Variants in SEZ6L observed in about 807,000 individuals in gnomAD.
SEZ6L encodes seizure related 6 homolog like.
A neutral mutation model predicts 106.2 loss-of-function variants in SEZ6L; 37 were observed. The observed-to-expected ratio is 0.35, with a 90% CI of 0.27 to 0.46. The LOEUF (loss-of-function observed/expected upper bound fraction) is 0.46. SEZ6L is among the 20% of genes least tolerant of loss of function. SEZ6L has a pLI of 1.00. For missense variants in SEZ6L, 1,172 were observed against 1,332.8 expected, an observed-to-expected ratio of 0.88 and a Z score of 1.88; for synonymous variants, 541 against 570.4, an observed-to-expected ratio of 0.95 and a Z score of 0.73.
chr22:26,241,824 A>G (rs1242199296), intron 1 of SEZ6L, among the ~76,000 whole-genome samples: 3 of 152,202 alleles, frequency 2.0e-5, no homozygotes, highest in African/African-American at 7.2e-5. Flanking sequence ...GTAACTCTCC[A>G]TTAATGTCAC....
At chr22:26,323,693 T>C (rs1426456397) in intron 9 of SEZ6L, among the ~76,000 whole-genome samples, 1 of 152,114 alleles carries the variant, frequency 6.6e-6, no homozygotes, top group Non-Finnish European at 1.5e-5. Context: ...TGACACAAGA[T>C]AGGCAGATAA....
At chr22:26,215,577 T>A (rs1005644279) in intron 1 of SEZ6L, among the ~76,000 whole-genome samples, 8 of 151,952 alleles carry the variant, frequency 5.3e-5, no homozygotes, top group African/African-American at 1.7e-4. Flanking sequence ...AAAGGCTCAA[T>A]CCATATCAAT....
chr22:26,241,171 G>A (rs1170639194), intron 1 of SEZ6L, among the ~76,000 whole-genome samples: 3 of 152,216 alleles, frequency 2.0e-5, no homozygotes, highest in African/African-American at 7.2e-5. Context: ...TCACATGAGA[G>A]GGTCACAGAG....
At chr22:26,206,656 G>A (rs1174743915) in intron 1 of SEZ6L, among the ~76,000 whole-genome samples, 1 of 152,202 alleles carries the variant, frequency 6.6e-6, no homozygotes, top group Non-Finnish European at 1.5e-5. Context: ...GCCCTTGTCT[G>A]TGACGAAACA....
At chr22:26,281,882 A>G (rs988141921) in intron 1 of SEZ6L, among the ~76,000 whole-genome samples, 1 of 152,114 alleles carries the variant, frequency 6.6e-6, no homozygotes, top group Non-Finnish European at 1.5e-5. Context: ...TTACTTTTTA[A>G]CATTACGGAA....
At chr22:26,202,097 G>A (rs574956687) in intron 1 of SEZ6L, among the ~76,000 whole-genome samples, 2 of 151,988 alleles carry the variant, frequency 1.3e-5, no homozygotes, top group African/African-American at 4.8e-5. Context: ...TGTATTTTTA[G>A]TAGAGACGGG....
intron 9 of SEZ6L, among the ~76,000 whole-genome samples, chr22:26,320,407 G>T (rs182125864): frequency 6.6e-6 from 1 of 152,226 alleles, no homozygotes; most frequent in Non-Finnish European, 1.5e-5. Flanking sequence ...CACGACTTGC[G>T]TTAGGACAAG....
chr22:26,290,785 C>T (rs550175894), intron 1 of SEZ6L, among the ~76,000 whole-genome samples: 90 of 152,356 alleles, frequency 5.9e-4, no homozygotes, highest in Non-Finnish European at 9.4e-4. Flanking sequence ...TCCACTTGTG[C>T]TCCAAAACCC....
chr22:26,310,642 T>C, intron 6 of SEZ6L, 28 bp from the exon 7 acceptor site: 2 of 1,612,950 alleles, frequency 1.2e-6, no homozygotes, highest in Admixed American at 3.3e-5. Flanking sequence ...GATCTGTCAG[T>C]GTCCCTCCTC....
chr22:26,297,451 G>A (rs2081333514), intron 4 of SEZ6L, among the ~76,000 whole-genome samples: 2 of 152,050 alleles, frequency 1.3e-5, no homozygotes, highest in African/African-American at 2.4e-5. Context: ...GGTTTCTCTT[G>A]GTGTCAAAGT....
chr22:26,267,185 G>A (rs2145831547), intron 1 of SEZ6L, among the ~76,000 whole-genome samples: 1 of 152,314 alleles, frequency 6.6e-6, no homozygotes. Context: ...TTTCACAGAT[G>A]AGGAGATTGA....
chr22:26,208,924 G>A (rs921520075), intron 1 of SEZ6L, among the ~76,000 whole-genome samples: 15 of 138,914 alleles, frequency 1.1e-4, no homozygotes, highest in South Asian at 7.4e-4. Flanking sequence ...GATATTTCCC[G>A]CAAATCCCTG....
In SEZ6L at chr22:26,311,790, T is replaced by C. The variant is rs146763740; in HGVS notation, c.1704T>C (p.Tyr568=). 7.4e-6 allele frequency: 12 copies of C among 1,614,124 alleles called. No homozygotes were observed. Among genetic ancestry groups the C allele is most frequent in the Non-Finnish European group, 1.0e-5 (12 of 1,180,050 alleles). The change falls in exon 8 of 17, where the codon TAT becomes TAC. Residue 568 remains tyrosine, a synonymous_variant. Coordinates refer to ENST00000248933, the MANE Select transcript of SEZ6L (RefSeq NM_021115.5). The part of the protein sequence containing the change: ...RFEAFEKGHC[Y]EPYIQNGNFT... ...CAGCGTTTGAGAAAGGCCACTGCTA[T>C]GAGCCCTACATCCAGAATGGGAACT...
At chr22:26,368,923 A>T (rs2083908714) in intron 13 of SEZ6L, among the ~76,000 whole-genome samples, 1 of 152,086 alleles carries the variant, frequency 6.6e-6, no homozygotes, top group Non-Finnish European at 1.5e-5. Context: ...CCCGCATCTC[A>T]TGACTGTAAA....
At chr22:26,316,948 G>GAAAA (rs2082022260) in intron 9 of SEZ6L, among the ~76,000 whole-genome samples, 1 of 103,788 alleles carries the variant, frequency 9.6e-6, no homozygotes. Flanking sequence ...AAGAAAGAAA[G>GAAAA]GAAGAAAGAA....
chr22:26,237,014 A>C (rs959361721), intron 1 of SEZ6L, among the ~76,000 whole-genome samples: 28 of 152,026 alleles, frequency 1.8e-4, no homozygotes, highest in African/African-American at 6.8e-4. Context: ...GCTGCCACTG[A>C]CCATCCAGGC....
At chr22:26,320,372 G>T (rs541080291) in intron 9 of SEZ6L, among the ~76,000 whole-genome samples, 4 of 152,188 alleles carry the variant, frequency 2.6e-5, no homozygotes, top group African/African-American at 4.8e-5. Flanking sequence ...ATAAGGGGGG[G>T]CATCGCCCTC....
chr22:26,266,632 G>A (rs1374367986), intron 1 of SEZ6L, among the ~76,000 whole-genome samples: 4 of 151,480 alleles, frequency 2.6e-5, no homozygotes, highest in African/African-American at 4.9e-5. Context: ...AACATATTAG[G>A]AGCAAGAATA....
intron 1 of SEZ6L, among the ~76,000 whole-genome samples, chr22:26,211,982 G>A (rs2078174239): frequency 6.6e-6 from 1 of 151,968 alleles, no homozygotes; most frequent in Non-Finnish European, 1.5e-5. Flanking sequence ...TTGCATAACA[G>A]GGATTTCAGC....
Sources: gnomAD v4.1 joint callset for allele counts (sites outside exome capture counted in the v4.1 genomes callset) on GRCh38, gnomAD v4.1.1 for gene constraint, MANE v1.5 for transcripts, NCBI Gene and HGNC (gene_info 2026-07-23, HGNC 2026-07-21) for gene names.